Variants in TCEA1 observed in about 807,000 individuals in gnomAD.
The protein encoded by TCEA1 is transcription elongation factor A1, also known as transcription elongation factor A protein 1.
Under a neutral mutation model 43.8 loss-of-function variants are expected in TCEA1, and 21 were observed. The ratio of observed to expected loss-of-function variants is 0.48; its 90% CI spans 0.34 to 0.69. TCEA1 has a LOEUF of 0.69. Among genes scored for constraint, TCEA1 ranks in the 30% least tolerant of loss-of-function variants. The probability of loss-of-function intolerance (pLI) is 0.01; values close to 1 mark genes in which losing one functional copy is unlikely to be tolerated. For synonymous variants in TCEA1, 104 were observed against 117.5 expected (o/e 0.88, Z 0.75); for missense variants, 250 against 365.1 (o/e 0.68, Z 2.57).
At chr8:53,969,048 C>T (rs369333063) in intron 9 of TCEA1, among the ~76,000 whole-genome samples, 13 of 152,118 alleles carry the variant, frequency 8.5e-5, no homozygotes, top group South Asian at 8.3e-4. Flanking sequence ...CCAGCACTTT[C>T]GGAGGCCAAG....
chr8:54,018,788 C>T (rs915805689), intron 1 of TCEA1, among the ~76,000 whole-genome samples: 1 of 152,168 alleles, frequency 6.6e-6, no homozygotes, highest in African/African-American at 2.4e-5. Context: ...ACTAGGGAAA[C>T]ACACCTGCCC....
At chr8:53,998,809 C>T (rs1804151840) in intron 3 of TCEA1, among the ~76,000 whole-genome samples, 1 of 152,104 alleles carries the variant, frequency 6.6e-6, no homozygotes, top group Non-Finnish European at 1.5e-5. Flanking sequence ...ACAGGTTGGT[C>T]TTCAAATGAG....
At chr8:53,978,836 G>A (rs1387387743) in intron 8 of TCEA1, 189 bp downstream of exon 8, 17 of 520,052 alleles carry the variant, frequency 3.3e-5, no homozygotes, top group East Asian at 2.1e-4. Context: ...CATATGTATC[G>A]GAAAAAACGT....
In TCEA1 at chr8:53,988,123, G is replaced by A. The variant is rs1803748802; in HGVS notation, c.457C>T (p.Arg153Ter). Residue 153 changes from arginine (R) to a stop codon, truncating the protein, a stop_gained, in exon 5 of 10, where the codon CGA becomes TGA. Coordinates refer to ENST00000521604, the MANE Select transcript of TCEA1 (RefSeq NM_006756.4). LOFTEE classifies it high-confidence loss of function. The stretch of plus-strand genomic sequence containing the variant: ...CATGCACTGGACTTACCCCCTGTTC[G>A]AAGAGCTGCAGCAAGCATCTCCCTA... The part of the protein sequence containing the change: ...KCREMLAAAL[R>*]TGDDYIAIGA... 3 of 1,611,086 alleles carry A rather than the reference G, an allele frequency of 1.9e-6. No individual in the cohort carries two copies. Among genetic ancestry groups the A allele is most frequent in the South Asian group, 1.1e-5 (1 of 90,732 alleles).
intron 8 of TCEA1, chr8:53,978,440 G>A (rs1487688081): frequency 1.3e-5 from 2 of 152,120 alleles, no homozygotes; most frequent in African/African-American, 2.4e-5. Context: ...GTAGCATGAA[G>A]ACAGCCTGTA....
chr8:53,973,081 C>A, intron 8 of TCEA1: 1 of 664,052 alleles, frequency 1.5e-6, no homozygotes, highest in Non-Finnish European at 2.9e-6. Context: ...GACTACTTAG[C>A]TTCCTCTAGC....
chr8:53,972,654 GT>G, intron 8 of TCEA1: 1 of 617,964 alleles, frequency 1.6e-6, no homozygotes, highest in East Asian at 3.5e-5. Context: ...GGAAGAGCAA[GT>G]TTGAGGATCA....
chr8:54,021,720 A>G, intron 1 of TCEA1: 1 of 215,196 alleles, frequency 4.6e-6, no homozygotes, highest in East Asian at 1.0e-4. Flanking sequence ...AGTTCTGAGG[A>G]CTTTCTACGC....
At chr8:53,994,481 T>G (rs1803983672) in intron 3 of TCEA1, among the ~76,000 whole-genome samples, 1 of 152,164 alleles carries the variant, frequency 6.6e-6, no homozygotes, top group African/African-American at 2.4e-5. Flanking sequence ...AAAAAACACT[T>G]TCATAGAAAA....
chr8:53,973,110 G>T lies in TCEA1; in HGVS notation c.826-2647C>A, dbSNP rs1585986013. On this transcript the variant is annotated intron_variant, in intron 8 of 9. Transcript: ENST00000521604. ...CTCTAGCGAAAATGAAGAGGAGATA[G>T]AAGAGGAGCTACAAGGTGATGATGA... 6.3e-6 allele frequency: 4 copies of T among 637,684 alleles called. No homozygotes were observed. The East Asian group carries it at 1.3e-4, about 21-fold the overall frequency. The allele number at this position is 637,684 out of a possible 1,614,324, so 39.5% of individuals were successfully genotyped here.
intron 3 of TCEA1, among the ~76,000 whole-genome samples, chr8:53,994,539 G>T (rs1216878947): frequency 6.6e-6 from 1 of 152,026 alleles, no homozygotes; most frequent in African/African-American, 2.4e-5. Flanking sequence ...TATCTTAAAT[G>T]AACTATAAAG....
chr8:54,010,969 C>G (rs982454092), intron 1 of TCEA1, among the ~76,000 whole-genome samples: 1 of 152,102 alleles, frequency 6.6e-6, no homozygotes, highest in African/African-American at 2.4e-5. Context: ...GCACACACCA[C>G]CACGCTGGGC....
intron 2 of TCEA1, among the ~76,000 whole-genome samples, chr8:54,009,923 C>T (rs1159892693): frequency 6.6e-6 from 1 of 151,912 alleles, no homozygotes; most frequent in Non-Finnish European, 1.5e-5. Context: ...CCAAATATTA[C>T]ATATACCCCC....
intron 7 of TCEA1, among the ~76,000 whole-genome samples, chr8:53,980,383 A>AT (rs1214258333): frequency 1.3e-5 from 2 of 152,112 alleles, no homozygotes; most frequent in Non-Finnish European, 2.9e-5. Flanking sequence ...CAGTTACTGC[A>AT]TTTTTTACAA....
intron 8 of TCEA1, among the ~76,000 whole-genome samples, chr8:53,976,218 C>A (rs1467973026): frequency 6.6e-6 from 1 of 152,168 alleles, no homozygotes; most frequent in Non-Finnish European, 1.5e-5. Context: ...ATCAAAGGTT[C>A]ATGACACCGG....
At chr8:53,975,621 T>G (rs1215603190) in intron 8 of TCEA1, among the ~76,000 whole-genome samples, 1 of 152,170 alleles carries the variant, frequency 6.6e-6, no homozygotes, top group Admixed American at 6.5e-5. Flanking sequence ...TTATGCTAAG[T>G]GAAATAGGCC....
At chr8:53,985,698 G>T (rs999468496) in intron 6 of TCEA1, among the ~76,000 whole-genome samples, 2 of 152,132 alleles carry the variant, frequency 1.3e-5, no homozygotes, top group Non-Finnish European at 2.9e-5. Flanking sequence ...CAGCCACCTA[G>T]ATGCTCCCTG....
chr8:53,998,950 C>CA (rs1261258781), intron 3 of TCEA1, among the ~76,000 whole-genome samples: 1 of 152,062 alleles, frequency 6.6e-6, no homozygotes, highest in East Asian at 1.9e-4. Context: ...TATGTGAGGC[C>CA]AGGCGAGGTG....
intron 1 of TCEA1, among the ~76,000 whole-genome samples, chr8:54,017,419 CG>C (rs1390682221): frequency 6.6e-6 from 1 of 152,196 alleles, no homozygotes; most frequent in Non-Finnish European, 1.5e-5. Flanking sequence ...AAGACCTTTA[CG>C]ACGACACATT....
Sources: allele counts gnomAD v4.1 joint callset (sites outside exome capture counted in the v4.1 genomes callset), GRCh38; gene constraint gnomAD v4.1.1; transcripts MANE v1.5; gene names NCBI Gene and HGNC (gene_info 2026-07-23, HGNC 2026-07-21).